SUSD1: variants seen among roughly 807,000 people sequenced by gnomAD.
SUSD1 encodes sushi domain-containing protein 1.
Under a neutral mutation model 86.9 loss-of-function variants are expected in SUSD1, and 65 were observed. That is an observed-to-expected ratio of 0.75 (90% CI 0.61 to 0.92). SUSD1 has a LOEUF of 0.92. Ranked by LOEUF, SUSD1 falls within the 40% of genes least tolerant of loss-of-function variation. The probability of loss-of-function intolerance (pLI) is 0.00; values close to 1 mark genes in which losing one functional copy is unlikely to be tolerated. For missense variants in SUSD1, 850 were observed against 929.7 expected (o/e 0.91, Z 1.11); for synonymous variants, 346 against 350.0 (o/e 0.99, Z 0.13).
rs186062306 is a variant in SUSD1 at position 112,108,379 on chromosome 9, A to G, written c.1171+3275T>C. Among the ~76,000 whole-genome samples, 595 of 152,342 alleles carry G rather than the reference A, an allele frequency of 3.9e-3. 1 individual carries two copies. The highest frequency in any genetic ancestry group is 0.014 in the African/African-American group (566 of 41,572). ...GAAAATAAGCTGAATTTTGTTATGCATTCAACTCAAGAATTTAGAAACAGA... is the reference window on the plus strand; with the variant it reads ...GAAAATAAGCTGAATTTTGTTATGCGTTCAACTCAAGAATTTAGAAACAGA... On this transcript the variant is annotated intron_variant, in intron 8 of 16. Coordinates refer to ENST00000374270, the MANE Select transcript of SUSD1 (RefSeq NM_022486.5).
At chr9:112,083,874 C>T (rs776056671) in intron 10 of SUSD1, among the ~76,000 whole-genome samples, 6 of 152,186 alleles carry the variant, frequency 3.9e-5, no homozygotes, top group Non-Finnish European at 7.3e-5. Context: ...TGATCTTATA[C>T]TTTGCCGTTC....
At chr9:112,129,659 C>A (rs1287289138) in intron 5 of SUSD1, among the ~76,000 whole-genome samples, 1 of 152,136 alleles carries the variant, frequency 6.6e-6, no homozygotes, top group Non-Finnish European at 1.5e-5. Flanking sequence ...TTCATATGAC[C>A]TTTATTTCCT....
chr9:112,089,755 C>T (rs534805245), intron 10 of SUSD1, among the ~76,000 whole-genome samples: 2 of 145,252 alleles, frequency 1.4e-5, no homozygotes, highest in East Asian at 2.0e-4. Flanking sequence ...GAAGTTGCAG[C>T]GAGCTGAGAT....
intron 12 of SUSD1, among the ~76,000 whole-genome samples, chr9:112,074,229 AG>A (rs1381700988): frequency 4.6e-5 from 7 of 152,154 alleles, no homozygotes; most frequent in Admixed American, 2.6e-4. Flanking sequence ...ACAAAAAAAA[AG>A]AAAAAGAAAA....
chr9:112,154,804 C>T (rs556816098), intron 2 of SUSD1, among the ~76,000 whole-genome samples: 22 of 152,156 alleles, frequency 1.4e-4, no homozygotes, highest in Non-Finnish European at 2.9e-4. Context: ...GTTATAGCAC[C>T]TCTGGCACAT....
At chr9:112,160,908 G>A (rs1324927411) in intron 1 of SUSD1, among the ~76,000 whole-genome samples, 1 of 152,136 alleles carries the variant, frequency 6.6e-6, no homozygotes, top group African/African-American at 2.4e-5. Flanking sequence ...TTTACGACCG[G>A]GAGAAAATGA....
intron 2 of SUSD1, 109 bp from the exon 3 acceptor site, chr9:112,149,508 C>T (rs1226769623): frequency 3.3e-6 from 4 of 1,219,728 alleles, no homozygotes; most frequent in Non-Finnish European, 3.5e-6. Context: ...TCTGTGACCA[C>T]ACCTTAGTGA....
At chr9:112,119,196 G>A (rs561102533) in intron 6 of SUSD1, among the ~76,000 whole-genome samples, 5 of 152,286 alleles carry the variant, frequency 3.3e-5, no homozygotes, top group South Asian at 4.2e-4. Context: ...AAATGAAATC[G>A]AGCATTAAGG....
In SUSD1 at chr9:112,113,769, T is replaced by C. The variant is rs1831198135; in HGVS notation, c.887-901A>G. Among the ~76,000 whole-genome samples, 2 of 151,962 alleles carry C rather than the reference T, an allele frequency of 1.3e-5. No individual in the cohort carries two copies. Among genetic ancestry groups the C allele is most frequent in the Admixed American group, 1.3e-4 (2 of 15,252 alleles). Reference sequence around the variant, plus strand: ...CAACATAGTGAAACCCCATCTCTACTAAAAATACAAAACTTAGCGGTGCAC... The same window carrying C: ...CAACATAGTGAAACCCCATCTCTACCAAAAATACAAAACTTAGCGGTGCAC... On this transcript the variant is annotated intron_variant, in intron 6 of 16. Coordinates refer to ENST00000374270, the MANE Select transcript of SUSD1 (RefSeq NM_022486.5). The surrounding 1 kb of genome is among the most constrained non-coding windows in gnomAD (Gnocchi z 4.1).
At chr9:112,147,813 T>G (rs1467257530) in intron 3 of SUSD1, among the ~76,000 whole-genome samples, 1 of 152,002 alleles carries the variant, frequency 6.6e-6, no homozygotes, top group Non-Finnish European at 1.5e-5. Context: ...GTGTATTGAA[T>G]AAACAAAACA....
intron 12 of SUSD1, among the ~76,000 whole-genome samples, chr9:112,066,528 C>T (rs1828985441): frequency 6.6e-6 from 1 of 152,146 alleles, no homozygotes; most frequent in African/African-American, 2.4e-5. Flanking sequence ...GAGTGGCATT[C>T]TGCTGAATGA....
Position 112,046,229 on chromosome 9 carries a change from T to C in SUSD1, c.2150-4269A>G, listed in dbSNP as rs546276231. 2.6e-5 allele frequency among the ~76,000 whole-genome samples: 4 copies of C among 152,344 alleles called. No homozygotes were observed. The East Asian group carries it at 5.8e-4, about 22-fold the overall frequency. ...GAGACTTTCCTCATTAATTCCTTAA[T>C]AAGAAAATTTACAACTGGCAAATTT... On this transcript the variant is annotated intron_variant, in intron 15 of 16. Coordinates refer to ENST00000374270, the MANE Select transcript of SUSD1 (RefSeq NM_022486.5).
rs145347592 is a variant in SUSD1, at chr9:112,144,946, T to A, written c.374-1323A>T. Among the ~76,000 whole-genome samples, 923 of 152,234 alleles carry A rather than the reference T, an allele frequency of 6.1e-3. 35 individuals carry two copies. The highest frequency in any genetic ancestry group is 0.055 in the Admixed American group (846 of 15,280). On this transcript the variant is annotated intron_variant, in intron 3 of 16. Coordinates refer to ENST00000374270, the MANE Select transcript of SUSD1 (RefSeq NM_022486.5). ...TCCCTCAGAACTGACTTTAAAACTT[T>A]AAGAATTCCATCAGCTGGGCATGCC...
intron 5 of SUSD1, among the ~76,000 whole-genome samples, chr9:112,126,670 A>G (rs77916784): frequency 8.9e-4 from 136 of 152,256 alleles, no homozygotes; most frequent in African/African-American, 3.1e-3. Flanking sequence ...GCATGGTTCT[A>G]ACAGCTATAC....
intron 12 of SUSD1, among the ~76,000 whole-genome samples, chr9:112,071,563 A>C (rs1208379712): frequency 6.6e-6 from 1 of 152,230 alleles, no homozygotes; most frequent in Non-Finnish European, 1.5e-5. Flanking sequence ...CTATTAAATC[A>C]ACCAAAGAAA....
chr9:112,091,651 G>A (rs972541108), intron 10 of SUSD1, among the ~76,000 whole-genome samples: 1 of 152,166 alleles, frequency 6.6e-6, no homozygotes, highest in Non-Finnish European at 1.5e-5. Flanking sequence ...GCTAAATATT[G>A]TCATAAAGAA....
intron 6 of SUSD1, among the ~76,000 whole-genome samples, chr9:112,115,954 C>G (rs1397608619): frequency 6.6e-6 from 1 of 151,956 alleles, no homozygotes; most frequent in East Asian, 1.9e-4. Context: ...CTGAACAAGC[C>G]CCAGATATTT....
At chr9:112,095,133 C>A (rs1042585648) in intron 10 of SUSD1, among the ~76,000 whole-genome samples, 1 of 152,052 alleles carries the variant, frequency 6.6e-6, no homozygotes, top group African/African-American at 2.4e-5. Context: ...TATGGCAGGT[C>A]GAGAGCTCTG....
chr9:112,149,720 G>T (rs1029639619), intron 2 of SUSD1, among the ~76,000 whole-genome samples: 1 of 152,106 alleles, frequency 6.6e-6, no homozygotes. Flanking sequence ...AGAGGCCCAC[G>T]GAAACAAACC....
Sources: allele counts gnomAD v4.1 joint callset (sites outside exome capture counted in the v4.1 genomes callset), GRCh38; gene constraint gnomAD v4.1.1; non-coding constraint Gnocchi (gnomAD v3.1); transcripts MANE v1.5; gene names NCBI Gene and HGNC (gene_info 2026-07-23, HGNC 2026-07-21).